Variants in KTN1 observed in about 807,000 individuals in gnomAD.
KTN1 encodes the protein kinectin 1.
Under a neutral mutation model 222.5 loss-of-function variants are expected in KTN1, and 130 were observed. The observed-to-expected ratio is 0.58, with a 90% CI of 0.51 to 0.68. The LOEUF is 0.68. KTN1 is among the 30% of genes least tolerant of loss of function. KTN1 has a pLI of 0.00. For missense variants in KTN1, 1,508 were observed against 1,500.4 expected (o/e 1.01, Z -0.08); for synonymous variants, 512 against 496.3 (o/e 1.03, Z -0.42).
chr14:55,600,470 G>A (rs2140458455), intron 1 of KTN1, among the ~76,000 whole-genome samples: 1 of 152,222 alleles, frequency 6.6e-6, no homozygotes, highest in Non-Finnish European at 1.5e-5. Flanking sequence ...AGGATGATGT[G>A]ATTTTGGATC....
intron 18 of KTN1, among the ~76,000 whole-genome samples, 187 bp from the exon 19 acceptor site, chr14:55,646,786 G>A (rs1395392370): frequency 1.3e-5 from 2 of 151,742 alleles, no homozygotes; most frequent in Non-Finnish European, 2.9e-5. Context: ...TGTCTCTTGT[G>A]TAGATGTATC....
Position 55,637,311 on chromosome 14 carries a change from GA to G in KTN1, c.1665del (p.Glu555AspfsTer7). ...GGAGCAAAGACTAATGCAGTTAATG[GA>G]ATCAGAGCAGAAAAGGGTGAACAAA... ...QLEQRLMQLM[E>X]SEQKRVNKEE... On this transcript the variant is annotated frameshift_variant, in exon 11 of 44. Coordinates refer to ENST00000395314, the MANE Select transcript of KTN1 (RefSeq NM_001079521.2). LOFTEE classifies it high-confidence loss of function. 1 of 1,609,954 alleles carries G rather than the reference GA, an allele frequency of 6.2e-7. No individual in the cohort carries two copies. Among genetic ancestry groups the G allele is most frequent in the Non-Finnish European group, 8.5e-7 (1 of 1,177,674 alleles).
chr14:55,628,336 A>T (rs1266761180), intron 6 of KTN1, among the ~76,000 whole-genome samples: 1 of 152,232 alleles, frequency 6.6e-6, no homozygotes, highest in East Asian at 1.9e-4. Flanking sequence ...CAATAGAAAC[A>T]CAGAATTTGG....
intron 1 of KTN1, among the ~76,000 whole-genome samples, chr14:55,610,046 A>G (rs2037314075): frequency 6.6e-6 from 1 of 152,228 alleles, no homozygotes; most frequent in Non-Finnish European, 1.5e-5. Flanking sequence ...TTGTTAGCAC[A>G]TGATTCCTTT....
intron 23 of KTN1, 65 bp downstream of exon 23, chr14:55,650,483 T>C: frequency 6.0e-6 from 9 of 1,503,416 alleles, no homozygotes; most frequent in Non-Finnish European, 8.3e-6. Flanking sequence ...TATCATTTAA[T>C]TTCGTGTGTT....
chr14:55,612,554 A>G lies in KTN1; in HGVS notation c.506A>G (p.Lys169Arg), dbSNP rs769849538. Reference sequence around the variant, plus strand: ...TCGAAGAAGAAACCAGGGCAGAAGAAGTCTAAAAATGGAAGCGGTATTGTA... The same window carrying G: ...TCGAAGAAGAAACCAGGGCAGAAGAGGTCTAAAAATGGAAGCGGTATTGTA... ...AASKKKPGQK[K>R]SKNGSDDQDK... The change falls in exon 2 of 44, where the codon AAG becomes AGG. Residue 169 changes from lysine (K) to arginine (R), a missense_variant. By Grantham distance (26) the Lys-to-Arg change is conservative. Transcript: ENST00000395314. 1.3e-6 allele frequency: 2 copies of G among 1,582,414 alleles called. No individual in the cohort carries two copies. Among genetic ancestry groups the G allele is most frequent in the Non-Finnish European group, 1.7e-6 (2 of 1,171,588 alleles).
At position 55,684,240 on chromosome 14, in the gene KTN1, T is replaced by C. The variant is rs1410555247; in HGVS notation, c.*137T>C. Reference sequence around the variant, plus strand: ...AGAGTTTTGTCTTTTCTAATCCTTGTTAGACTACTGATTTAAAGAAGGAAA... The same window carrying C: ...AGAGTTTTGTCTTTTCTAATCCTTGCTAGACTACTGATTTAAAGAAGGAAA... On this transcript the variant is annotated 3_prime_UTR_variant, in exon 44 of 44. Transcript: ENST00000395314. 2 of 578,386 alleles carry C rather than the reference T, an allele frequency of 3.5e-6. No homozygotes were observed. Among genetic ancestry groups the C allele is most frequent in the African/African-American group, 1.9e-5 (1 of 51,676 alleles). The allele number at this position is 578,386 out of a possible 1,614,324, so 35.8% of individuals were successfully genotyped here.
At chr14:55,653,841 C>G (rs868725212) in intron 28 of KTN1, among the ~76,000 whole-genome samples, 1 of 152,118 alleles carries the variant, frequency 6.6e-6, no homozygotes, top group South Asian at 2.1e-4. Flanking sequence ...ATTATTCTTT[C>G]TGCAAATATA....
chr14:55,583,060 G>T (rs1167813737), intron 1 of KTN1, among the ~76,000 whole-genome samples: 1 of 152,070 alleles, frequency 6.6e-6, no homozygotes, highest in Non-Finnish European at 1.5e-5. Flanking sequence ...GGAAAATATT[G>T]GTCTAGATGA....
chr14:55,684,249 T>A lies in KTN1; in HGVS notation c.*146T>A. 1.9e-6 allele frequency: 1 copy of A among 524,874 alleles called. No individual in the cohort carries two copies. The highest frequency in any genetic ancestry group is 4.3e-5 in the South Asian group (1 of 23,140). 32.5% of individuals were successfully genotyped at this position (524,874 alleles called of 1,614,324 possible). ...TCTTTTCTAATCCTTGTTAGACTAC[T>A]GATTTAAAGAAGGAAAAAAAAAAGC... On this transcript the variant is annotated 3_prime_UTR_variant, in exon 44 of 44. Coordinates refer to ENST00000395314, the MANE Select transcript of KTN1 (RefSeq NM_001079521.2).
chr14:55,652,869 C>A lies in KTN1; in HGVS notation c.2623C>A (p.Gln875Lys), dbSNP rs2141134797. The change falls in exon 26 of 44, where the codon CAG becomes AAG. Residue 875 changes from glutamine (Q) to lysine (K), a missense_variant. Physicochemically the swap from Gln to Lys is moderately conservative, Grantham distance 53. Transcript: ENST00000395314. Reference protein sequence around the residue: ...LQNLLKGKEEQMNTMKAVLEE... With the variant: ...LQNLLKGKEEKMNTMKAVLEE... ...TATCAGATTAAAAGGAAAAGAGGAA[C>A]AGATGAATACCATGAAGGCTGTTTT... The A allele has an allele frequency of 1.2e-6, 2 of 1,604,994 alleles. No individual in the cohort carries two copies. Among genetic ancestry groups the A allele is most frequent in the East Asian group, 4.5e-5 (2 of 44,700 alleles).
At chr14:55,581,442 GGTGTGT>G (rs369432241) in intron 1 of KTN1, among the ~76,000 whole-genome samples, 4 of 150,770 alleles carry the variant, frequency 2.7e-5, no homozygotes, top group South Asian at 2.1e-4. Flanking sequence ...TAACTGTTAA[GGTGTGT>G]GTGTGTGTGT....
At position 55,671,862 on chromosome 14, in the gene KTN1, C is replaced by G. The variant is rs1269384094; in HGVS notation, c.3516C>G (p.His1172Gln). 2 of 1,584,324 alleles carry G rather than the reference C, an allele frequency of 1.3e-6. No individual in the cohort carries two copies. Among genetic ancestry groups the G allele is most frequent in the Non-Finnish European group, 1.7e-6 (2 of 1,153,120 alleles). Residue 1172 changes from histidine (H) to glutamine (Q), a missense_variant, in exon 37 of 44, where the codon CAC becomes CAG. His to Gln is a conservative substitution (Grantham distance 24). Coordinates refer to ENST00000395314, the MANE Select transcript of KTN1 (RefSeq NM_001079521.2). The part of the protein sequence containing the change: ...NKWKVKVDES[H>Q]KTIKQMQSSF... ...GGAAAGTTAAGGTCGATGAATCACACAAGACTATTAAACAGGTATTTACAA... is the reference window on the plus strand; with the variant it reads ...GGAAAGTTAAGGTCGATGAATCACAGAAGACTATTAAACAGGTATTTACAA...
At chr14:55,599,614 A>T (rs2035649958) in intron 1 of KTN1, among the ~76,000 whole-genome samples, 1 of 152,084 alleles carries the variant, frequency 6.6e-6, no homozygotes, top group African/African-American at 2.4e-5. Flanking sequence ...AGCTGGGATT[A>T]ACAGGCTCCC....
chr14:55,662,859 C>T (rs2044298159), intron 32 of KTN1: 2 of 455,890 alleles, frequency 4.4e-6, no homozygotes, highest in Admixed American at 4.7e-5. Context: ...TGCCGATATA[C>T]TGCTAACATC....
At chr14:55,604,978 C>T (rs1199391975) in intron 1 of KTN1, among the ~76,000 whole-genome samples, 1 of 152,162 alleles carries the variant, frequency 6.6e-6, no homozygotes, top group African/African-American at 2.4e-5. Flanking sequence ...TCTTTTCTAG[C>T]TGGTCGTCCC....
At position 55,629,987 on chromosome 14, in the gene KTN1, G is replaced by A; in HGVS notation, c.1111G>A (p.Val371Met). The A allele has an allele frequency of 1.9e-6, 3 of 1,600,664 alleles. No individual in the cohort carries two copies. The highest frequency in any genetic ancestry group is 2.6e-6 in the Non-Finnish European group (3 of 1,168,570). Residue 371 changes from valine (V) to methionine (M), a missense_variant, in exon 7 of 44, where the codon GTG becomes ATG. Transcript: ENST00000395314. ...GATGACAGAGAAAGAAAGAAGCAATGTGGTTATAACAAGGATGAAAGATCG... is the reference window on the plus strand; with the variant it reads ...GATGACAGAGAAAGAAAGAAGCAATATGGTTATAACAAGGATGAAAGATCG... ...EMMTEKERSN[V>M]VITRMKDRIG...
At position 55,619,279 on chromosome 14, in the gene KTN1, G is replaced by A. The variant is rs1330094330; in HGVS notation, c.930G>A (p.Glu310=). 28 of 1,613,256 alleles carry A rather than the reference G, an allele frequency of 1.7e-5. No individual in the cohort carries two copies. The highest frequency in any genetic ancestry group is 2.0e-5 in the Non-Finnish European group (24 of 1,179,534). Residue 310 remains glutamate (E), a synonymous_variant, in exon 5 of 44, where the codon GAG becomes GAA. Coordinates refer to ENST00000395314, the MANE Select transcript of KTN1 (RefSeq NM_001079521.2). ...TTTGTGTTGTAGACTTGCTAAAGGA[G>A]AAGTCTGGTGTAATACAAGATGCTT... ...EALCVVDLLK[E]KSGVIQDALK...
intron 6 of KTN1, 144 bp from the exon 7 acceptor site, chr14:55,629,813 C>T (rs1378808724): frequency 1.6e-6 from 1 of 631,778 alleles, no homozygotes; most frequent in East Asian, 2.8e-5. Flanking sequence ...AATCTTTTGA[C>T]CTTGCTTTTT....
Sources: allele counts gnomAD v4.1 joint callset (sites outside exome capture counted in the v4.1 genomes callset), GRCh38; gene constraint gnomAD v4.1.1; transcripts MANE v1.5; gene names NCBI Gene and HGNC (gene_info 2026-07-23, HGNC 2026-07-21).